The following SLC37A3 variants were observed in gnomAD, a reference collection of about 807,000 sequenced individuals.
SLC37A3 encodes the protein solute carrier family 37 member 3, also known as sugar phosphate exchanger 3.
SLC37A3 carries 51 observed loss-of-function variants against 67.1 expected under a neutral mutation model. That is an observed-to-expected ratio of 0.76 (90% CI 0.61 to 0.96). The LOEUF (loss-of-function observed/expected upper bound fraction) is 0.96, where lower values mean the gene tolerates loss of function less well. Ranked by LOEUF, SLC37A3 falls within the 40% of genes least tolerant of loss-of-function variation. SLC37A3 has a pLI of 0.00. For synonymous variants in SLC37A3, 214 were observed against 231.4 expected, an observed-to-expected ratio of 0.92 and a Z score of 0.68; for missense variants, 508 against 603.0, an observed-to-expected ratio of 0.84 and a Z score of 1.65.
rs777308340 is a variant in SLC37A3 at position 140,364,407 on chromosome 7, C to T, written c.375+1G>A. 31 of 1,613,052 alleles carry T rather than the reference C, an allele frequency of 1.9e-5. No individual in the cohort carries two copies. Among genetic ancestry groups the T allele is most frequent in the Non-Finnish European group, 2.5e-5 (29 of 1,179,734 alleles). On this transcript the variant is annotated splice_donor_variant, in intron 5 of 14. Transcript: ENST00000326232. LOFTEE classifies it high-confidence loss of function. ...AATAATAATAAGACCTTTCAACTTA[C>T]CACTAATGCAGAAGAGCACATGCCA...
chr7:140,379,723 T>C (rs1798173130), intron 3 of SLC37A3, among the ~76,000 whole-genome samples: 1 of 144,982 alleles, frequency 6.9e-6, no homozygotes. Flanking sequence ...TGAAACCCCA[T>C]CTCTACAAAA....
intron 3 of SLC37A3, among the ~76,000 whole-genome samples, chr7:140,378,609 C>T (rs1242198040): frequency 1.3e-5 from 2 of 151,874 alleles, no homozygotes; most frequent in East Asian, 1.9e-4. Context: ...TGGTGGCATG[C>T]GCCTGTAGTC....
chr7:140,371,074 T>TGCA (rs1188161608), intron 3 of SLC37A3, among the ~76,000 whole-genome samples: 8 of 152,190 alleles, frequency 5.3e-5, no homozygotes, highest in Non-Finnish European at 1.2e-4. Context: ...GAAGGGAGAT[T>TGCA]GCAGCCCAAC....
At chr7:140,361,349 G>A (rs933656904) in intron 5 of SLC37A3, among the ~76,000 whole-genome samples, 1 of 152,008 alleles carries the variant, frequency 6.6e-6, no homozygotes, top group Non-Finnish European at 1.5e-5. Flanking sequence ...AGGTGTGGTG[G>A]TGCATGCTTG....
At chr7:140,337,219 G>T in intron 14 of SLC37A3, 65 bp downstream of exon 14, 5 of 1,325,508 alleles carry the variant, frequency 3.8e-6, no homozygotes, top group Non-Finnish European at 5.1e-6. Flanking sequence ...AGTGACTTAA[G>T]TAAGTGCTTT....
At chr7:140,348,602 G>C (rs756572561) in intron 10 of SLC37A3, 24 bp downstream of exon 10, 12 of 1,584,936 alleles carry the variant, frequency 7.6e-6, no homozygotes, top group Non-Finnish European at 6.8e-6. Context: ...TCTTTATTAT[G>C]GAAAAGATGT....
In SLC37A3 at chr7:140,348,350, G is replaced by T. The variant is rs1796652051; in HGVS notation, c.1024+276C>A. The T allele has an allele frequency of 1.1e-5, 3 of 270,556 alleles. No individual in the cohort carries two copies. In the South Asian group the frequency reaches 2.6e-4, roughly 23 times the overall value. 16.8% of individuals were successfully genotyped at this position (270,556 alleles called of 1,614,324 possible). A position where few individuals can be genotyped will look rare whatever the true frequency, so the allele number is the denominator to read the frequency against. On this transcript the variant is annotated intron_variant, in intron 10 of 14. Coordinates refer to ENST00000326232, the MANE Select transcript of SLC37A3 (RefSeq NM_207113.3). ...TTCCCATGTGCTTCCCGAGACAAAAGAACTGATCCATCAACAAAGGACTAA... is the reference window on the plus strand; with the variant it reads ...TTCCCATGTGCTTCCCGAGACAAAATAACTGATCCATCAACAAAGGACTAA...
chr7:140,353,361 T>G (rs1263145243), intron 7 of SLC37A3, among the ~76,000 whole-genome samples: 3 of 151,738 alleles, frequency 2.0e-5, no homozygotes, highest in African/African-American at 7.3e-5. Flanking sequence ...CGTACACCTG[T>G]AATCCCAGCT....
chr7:140,386,054 A>G (rs1180673904), intron 1 of SLC37A3, among the ~76,000 whole-genome samples: 1 of 152,154 alleles, frequency 6.6e-6, no homozygotes, highest in African/African-American at 2.4e-5. Context: ...AAGTGCTGGC[A>G]TCACAGGTGT....
chr7:140,374,562 C>G (rs1403774729), intron 3 of SLC37A3, among the ~76,000 whole-genome samples: 1 of 151,526 alleles, frequency 6.6e-6, no homozygotes, highest in African/African-American at 2.4e-5. Flanking sequence ...GTAGCTCATG[C>G]TTATAATCCA....
chr7:140,353,720 G>GTT (rs111484557), intron 7 of SLC37A3, among the ~76,000 whole-genome samples: 1 of 146,038 alleles, frequency 6.8e-6, no homozygotes, highest in Non-Finnish European at 1.5e-5. Flanking sequence ...GTTTTGTTTT[G>GTT]TTTTTTTTTT....
intron 3 of SLC37A3, 73 bp from the exon 4 acceptor site, chr7:140,369,755 C>T: frequency 8.3e-7 from 1 of 1,200,034 alleles, no homozygotes. Flanking sequence ...AAAGCCCCTT[C>T]ACAAACACTT....
chr7:140,361,562 T>C (rs1585302612), intron 5 of SLC37A3, among the ~76,000 whole-genome samples: 1 of 117,348 alleles, frequency 8.5e-6, no homozygotes, highest in Non-Finnish European at 1.7e-5. Context: ...TCCCTCTCTC[T>C]CCACGGTCTC....
chr7:140,344,082 C>T (rs1796462149), intron 12 of SLC37A3: 1 of 165,612 alleles, frequency 6.0e-6, no homozygotes. Context: ...TCCATGTACC[C>T]CAAGTAGAAT....
intron 7 of SLC37A3, among the ~76,000 whole-genome samples, chr7:140,353,741 C>G (rs1450893785): frequency 6.6e-6 from 1 of 151,352 alleles, no homozygotes; most frequent in Non-Finnish European, 1.5e-5. Context: ...GATACGGAGT[C>G]TCGCTTTGTC....
chr7:140,369,654 C>CT lies in SLC37A3; in HGVS notation c.226dup (p.Ser76LysfsTer131). On this transcript the variant is annotated frameshift_variant, in exon 4 of 15. Transcript: ENST00000326232. LOFTEE classifies it high-confidence loss of function. ...GAGGAAAAGAGTCGCTTTCTCTGCA[C>CT]TGGGGAACAAATGGTTGCTGCTCCA... 3 of 1,613,948 alleles carry CT rather than the reference C, an allele frequency of 1.9e-6. No homozygotes were observed. The highest frequency in any genetic ancestry group is 2.5e-6 in the Non-Finnish European group (3 of 1,179,964).
intron 3 of SLC37A3, among the ~76,000 whole-genome samples, chr7:140,374,260 G>A (rs1363028411): frequency 6.6e-6 from 1 of 152,114 alleles, no homozygotes; most frequent in African/African-American, 2.4e-5. Flanking sequence ...ACTTTGGGAG[G>A]CCAAGACAGG....
At chr7:140,355,613 C>T (rs1369732116) in intron 7 of SLC37A3, 55 bp downstream of exon 7, 3 of 1,437,946 alleles carry the variant, frequency 2.1e-6, no homozygotes, top group East Asian at 2.3e-5. Flanking sequence ...AAAAGCAATA[C>T]ACATGTGCAC....
chr7:140,350,891 AT>A (rs61046343), intron 9 of SLC37A3, among the ~76,000 whole-genome samples: 2,962 of 152,338 alleles, frequency 0.019, 88 homozygotes, highest in African/African-American at 0.067. Flanking sequence ...CACATTAAAA[AT>A]TATCAATTTT....
Sources: gnomAD v4.1 joint callset for allele counts (sites outside exome capture counted in the v4.1 genomes callset) on GRCh38, gnomAD v4.1.1 for gene constraint, MANE v1.5 for transcripts, NCBI Gene and HGNC (gene_info 2026-07-23, HGNC 2026-07-21) for gene names.